The following MCM6 variants were observed in gnomAD, a reference collection of about 807,000 sequenced individuals.
MCM6 encodes the protein DNA replication licensing factor MCM6.
In MCM6, 46 loss-of-function variants were observed where a neutral mutation model predicts 94.3. The observed-to-expected ratio is 0.49, with a 90% CI of 0.39 to 0.62. The LOEUF is 0.62. MCM6 is among the 20% of genes least tolerant of loss of function. The probability of loss-of-function intolerance (pLI) is 0.00; values close to 1 mark genes in which losing one functional copy is unlikely to be tolerated. For synonymous variants in MCM6, 335 were observed against 351.9 expected (o/e 0.95, Z 0.54); for missense variants, 865 against 1,017.9 (o/e 0.85, Z 2.04).
In MCM6 at chr2:135,857,940, G is replaced by A. The variant is rs1458507728; in HGVS notation, c.1427C>T (p.Ala476Val). 1 of 1,613,980 alleles carries A rather than the reference G, an allele frequency of 6.2e-7. No homozygotes were observed. The highest frequency in any genetic ancestry group is 8.5e-7 in the Non-Finnish European group (1 of 1,180,014). ...GATGGATATGGTCTGCTGTTCCATAGCTTCATGAATAGCAACTTGATCCCG... is the reference window on the plus strand; with the variant it reads ...GATGGATATGGTCTGCTGTTCCATAACTTCATGAATAGCAACTTGATCCCG... ...DVRDQVAIHE[A>V]MEQQTISITK... Residue 476 changes from alanine (A) to valine (V), a missense_variant, in exon 10 of 17, where the codon GCT becomes GTT. Coordinates refer to ENST00000264156, the MANE Select transcript of MCM6 (RefSeq NM_005915.6).
intron 11 of MCM6, among the ~76,000 whole-genome samples, chr2:135,854,254 T>C (rs1249455515): frequency 6.6e-6 from 1 of 150,562 alleles, no homozygotes; most frequent in Non-Finnish European, 1.5e-5. Flanking sequence ...TAAAACAGGC[T>C]GGGCCCGGTG....
Position 135,876,384 on chromosome 2 carries a change from A to AT in MCM6, c.-20dup. 6.3e-7 allele frequency: 1 copy of AT among 1,583,468 alleles called. No individual in the cohort carries two copies. On this transcript the variant is annotated 5_prime_UTR_variant, in exon 1 of 17. Transcript: ENST00000264156. ...GGTCCATATTTGCTTAGTGCCGAGGATTCGCCTGCGCCACGCTCGACCGCC... is the reference window on the plus strand; with the variant it reads ...GGTCCATATTTGCTTAGTGCCGAGGATTTCGCCTGCGCCACGCTCGACCGCC...
chr2:135,852,859 TTCC>T lies in MCM6; in HGVS notation c.1680_1682del (p.Glu561del), dbSNP rs866114279. 1 of 1,600,804 alleles carries T rather than the reference TTCC, an allele frequency of 6.2e-7. No homozygotes were observed. Among genetic ancestry groups the T allele is most frequent in the Admixed American group, 1.7e-5 (1 of 59,514 alleles). ...CGAGGGAATAGACACGATCAATTGA[TTCC>T]TCAATTCTTGAATGCAAATCTACTA... On this transcript the variant is annotated inframe_deletion, in exon 12 of 17. Transcript: ENST00000264156.
chr2:135,842,090 G>GC (rs1392327348), intron 16 of MCM6, among the ~76,000 whole-genome samples: 1 of 151,562 alleles, frequency 6.6e-6, no homozygotes, highest in Non-Finnish European at 1.5e-5. Flanking sequence ...GGGCAACAGA[G>GC]CAAGACTCTC....
At position 135,840,184 on chromosome 2, in the gene MCM6, A is replaced by C. The variant is rs1679542539; in HGVS notation, c.*651T>G. ...ACACAGAAGTAAAATAAATTACTAA[A>C]GAGTAATTTTAAAAAAGTATAATAA... On this transcript the variant is annotated 3_prime_UTR_variant, in exon 17 of 17. Transcript: ENST00000264156. 1 of 151,722 alleles carries C rather than the reference A, an allele frequency of 6.6e-6. No individual in the cohort carries two copies. Among genetic ancestry groups the C allele is most frequent in the South Asian group, 2.1e-4 (1 of 4,816 alleles). 9.4% of individuals were successfully genotyped at this position (151,722 alleles called of 1,614,324 possible).
At chr2:135,860,245 G>T (rs2105584426) in intron 8 of MCM6, among the ~76,000 whole-genome samples, 1 of 152,050 alleles carries the variant, frequency 6.6e-6, no homozygotes, top group East Asian at 1.9e-4. Context: ...CCATTCTCCT[G>T]CTTCAGCCTC....
chr2:135,872,954 G>T (rs1259823166), intron 1 of MCM6, 111 bp from the exon 2 acceptor site: 6 of 1,328,578 alleles, frequency 4.5e-6, no homozygotes, highest in Non-Finnish European at 6.2e-6. Context: ...ACAGGCCCAT[G>T]TTTGGCAGTT....
intron 12 of MCM6, 113 bp from the exon 13 acceptor site, chr2:135,851,676 G>C: frequency 1.3e-6 from 1 of 753,932 alleles, no homozygotes; most frequent in Non-Finnish European, 1.9e-6. Context: ...TGAGAGGGTT[G>C]AAACTTTGAG....
chr2:135,862,041 T>C (rs762910640), intron 8 of MCM6, among the ~76,000 whole-genome samples: 29 of 152,166 alleles, frequency 1.9e-4, no homozygotes, highest in Non-Finnish European at 4.0e-4. Context: ...ACTGCATCTA[T>C]ATCGGTAATT....
Position 135,865,157 on chromosome 2 carries a change from C to A in MCM6, c.934G>T (p.Gly312Trp). ...TGTTCCTCATCTCTGAGCTCTTTCC[C>A]CCCAAACTAATGGTAGAGAACAAAG... is the stretch of plus-strand genomic sequence containing the variant. ...CVAPTNPRFG[G>W]KELRDEEQTA... The change falls in exon 7 of 17, where the codon GGG (glycine) becomes TGG (tryptophan). Residue 312 changes from glycine (G) to tryptophan (W), a missense_variant. Coordinates refer to ENST00000264156, the MANE Select transcript of MCM6 (RefSeq NM_005915.6). 1 of 1,519,022 alleles carries A rather than the reference C, an allele frequency of 6.6e-7. No homozygotes were observed. Among genetic ancestry groups the A allele is most frequent in the Non-Finnish European group, 8.8e-7 (1 of 1,135,384 alleles). 94.1% of individuals were successfully genotyped at this position (1,519,022 alleles called of 1,614,324 possible).
At position 135,852,866 on chromosome 2, in the gene MCM6, A is replaced by G. The variant is rs1679802622; in HGVS notation, c.1676T>C (p.Ile559Thr). 3.1e-6 allele frequency: 5 copies of G among 1,611,154 alleles called. No individual in the cohort carries two copies. The highest frequency in any genetic ancestry group is 4.2e-6 in the Non-Finnish European group (5 of 1,178,662). ...ARRIVDLHSRIEESIDRVYSL... is the reference protein window; with the variant it reads ...ARRIVDLHSRTEESIDRVYSL... Reference sequence around the variant, plus strand: ...ATAGACACGATCAATTGATTCCTCAATTCTTGAATGCAAATCTACTATGCG... The same window carrying G: ...ATAGACACGATCAATTGATTCCTCAGTTCTTGAATGCAAATCTACTATGCG... The change falls in exon 12 of 17, where the codon ATT (isoleucine) becomes ACT (threonine). Residue 559 changes from isoleucine to threonine, a missense_variant. By Grantham distance (89) the Ile-to-Thr change is moderately conservative. Transcript: ENST00000264156.
rs754322141 is a variant in MCM6 at position 135,876,395 on chromosome 2, C to A, written c.-30G>T. On this transcript the variant is annotated 5_prime_UTR_variant, in exon 1 of 17. Transcript: ENST00000264156. ...GCTTAGTGCCGAGGATTCGCCTGCG[C>A]CACGCTCGACCGCCACAAGTCGCTT... is the stretch of plus-strand genomic sequence containing the variant. 7.8e-5 allele frequency: 120 copies of A among 1,538,620 alleles called. No individual in the cohort carries two copies. The highest frequency in any genetic ancestry group is 8.8e-6 in the Non-Finnish European group (10 of 1,140,590).
At chr2:135,861,940 C>G (rs1381877315) in intron 8 of MCM6, among the ~76,000 whole-genome samples, 1 of 152,248 alleles carries the variant, frequency 6.6e-6, no homozygotes, top group African/African-American at 2.4e-5. Context: ...TAAAACCTTA[C>G]AAATGTTTGT....
At chr2:135,872,153 A>T (rs1680212152) in intron 2 of MCM6, among the ~76,000 whole-genome samples, 2 of 152,158 alleles carry the variant, frequency 1.3e-5, no homozygotes, top group South Asian at 4.1e-4. Context: ...TGAAAAAAAA[A>T]GTTCAGCTCT....
At chr2:135,868,911 A>C (rs1168157855) in intron 3 of MCM6, 51 bp from the exon 4 acceptor site, 2 of 1,553,956 alleles carry the variant, frequency 1.3e-6, no homozygotes, top group Non-Finnish European at 1.8e-6. Context: ...TTAACTAAGA[A>C]TCTTTCCATT....
At chr2:135,852,690 A>T in intron 12 of MCM6, 97 bp downstream of exon 12, 1 of 877,064 alleles carries the variant, frequency 1.1e-6, no homozygotes, top group Non-Finnish European at 1.6e-6. Context: ...GAACTAAGGT[A>T]GATGACAGGT....
At chr2:135,859,174 T>G in intron 9 of MCM6, 127 bp downstream of exon 9, 4 of 721,562 alleles carry the variant, frequency 5.5e-6, no homozygotes, top group East Asian at 2.9e-5. Flanking sequence ...GACAAAGGTG[T>G]GAGCCACCGC....
chr2:135,867,261 T>C (rs1181141737), intron 4 of MCM6, among the ~76,000 whole-genome samples: 3 of 152,200 alleles, frequency 2.0e-5, no homozygotes, highest in Admixed American at 6.5e-5. Flanking sequence ...AATATCATTA[T>C]CACAACCAAG....
At chr2:135,862,444 A>T (rs571512483) in intron 8 of MCM6, among the ~76,000 whole-genome samples, 163 bp downstream of exon 8, 22 of 152,332 alleles carry the variant, frequency 1.4e-4, no homozygotes, top group Admixed American at 1.3e-3. Flanking sequence ...ATTCTAAAAA[A>T]TTGTACAATG....
Sources: allele counts gnomAD v4.1 joint callset (sites outside exome capture counted in the v4.1 genomes callset), GRCh38; gene constraint gnomAD v4.1.1; transcripts MANE v1.5; gene names NCBI Gene and HGNC (gene_info 2026-07-23, HGNC 2026-07-21).